IRAK1BP1: variants seen among roughly 807,000 people sequenced by gnomAD.
IRAK1BP1 encodes interleukin 1 receptor associated kinase 1 binding protein 1.
A neutral mutation model predicts 28.0 loss-of-function variants in IRAK1BP1; 24 were observed. That is an observed-to-expected ratio of 0.86 (90% confidence interval 0.62 to 1.20). The LOEUF is 1.20. Ranked by LOEUF, IRAK1BP1 falls within the 50% of genes most tolerant of loss-of-function variation. The pLI is 0.00. For missense variants in IRAK1BP1, 336 were observed against 316.7 expected (o/e 1.06, Z -0.46); for synonymous variants, 131 against 116.3 (o/e 1.13, Z -0.81).
At chr6:78,960,055 C>T in the IRAK1BP1 span, among the ~76,000 whole-genome samples, 1 of 152,122 alleles carries the variant, frequency 6.6e-6, no homozygotes, top group East Asian at 1.9e-4. Context: ...GGAGCTGTAG[C>T]TCACTGACAT....
At chr6:78,879,034 A>T (rs1460055267) in intron 1 of IRAK1BP1, among the ~76,000 whole-genome samples, 3 of 152,186 alleles carry the variant, frequency 2.0e-5, no homozygotes, top group African/African-American at 7.2e-5. Flanking sequence ...TGTACCTGAA[A>T]GTGACGGGGA....
chr6:78,920,768 A>G (rs1040676353), intron 4 of IRAK1BP1, among the ~76,000 whole-genome samples: 29 of 151,898 alleles, frequency 1.9e-4, no homozygotes, highest in African/African-American at 7.0e-4. Context: ...ATTGAAACAA[A>G]AACAAAAATT....
At chr6:78,954,791 A>G in the IRAK1BP1 span, 1 of 1,533,278 alleles carries the variant, frequency 6.5e-7, no homozygotes, top group Non-Finnish European at 8.8e-7. Context: ...ACAGGTAAAG[A>G]AAATATTTTC....
chr6:78,869,685 T>C (rs1251773723), intron 1 of IRAK1BP1, among the ~76,000 whole-genome samples: 2 of 152,202 alleles, frequency 1.3e-5, no homozygotes, highest in Non-Finnish European at 2.9e-5. Context: ...TCATTTATAT[T>C]TTCAGAATGA....
chr6:78,883,917 G>A (rs1027731087), intron 1 of IRAK1BP1, among the ~76,000 whole-genome samples: 1 of 151,966 alleles, frequency 6.6e-6, no homozygotes, highest in Non-Finnish European at 1.5e-5. Context: ...TATCAGAGCA[G>A]AAAAAAATGT....
At position 78,922,896 on chromosome 6, in the gene IRAK1BP1, C is replaced by G. The variant is rs1403567516; in HGVS notation, c.*67+19786C>G. ...GCTGAGAGATTTTGTCACCCCCAGG[C>G]CTGCCCTACAAGAGCTCCTGAAGGA... On this transcript the variant is annotated intron_variant and NMD_transcript_variant, in intron 4 of 4. Transcript: ENST00000606868. Among the ~76,000 whole-genome samples, 4 of 152,266 alleles carry G rather than the reference C, an allele frequency of 2.6e-5. No homozygotes were observed. The East Asian group carries it at 7.7e-4, about 29-fold the overall frequency.
At chr6:78,975,735 CA>C in the IRAK1BP1 span, among the ~76,000 whole-genome samples, 2 of 151,916 alleles carry the variant, frequency 1.3e-5, no homozygotes, top group African/African-American at 4.8e-5. Flanking sequence ...CAACAACGGA[CA>C]AACAGAGAGC....
downstream of IRAK1BP1, among the ~76,000 whole-genome samples, chr6:78,949,647 G>A (rs1295505505): frequency 6.6e-6 from 1 of 151,796 alleles, no homozygotes; most frequent in Admixed American, 6.6e-5. Flanking sequence ...GCCCTGTGTG[G>A]CATGTGGTAA....
At chr6:78,928,109 G>T (rs1033374070) in intron 4 of IRAK1BP1, among the ~76,000 whole-genome samples, 1 of 151,922 alleles carries the variant, frequency 6.6e-6, no homozygotes, top group African/African-American at 2.4e-5. Flanking sequence ...AGATTCTTTG[G>T]GTAGTATGGA....
intron 2 of IRAK1BP1, among the ~76,000 whole-genome samples, chr6:78,886,441 T>A (rs1771435704): frequency 6.6e-6 from 1 of 152,182 alleles, no homozygotes; most frequent in African/African-American, 2.4e-5. Context: ...ATTTTAGGGA[T>A]CCACTTGGCA....
At chr6:78,920,793 A>C (rs140950793) in intron 4 of IRAK1BP1, among the ~76,000 whole-genome samples, 1 of 152,348 alleles carries the variant, frequency 6.6e-6, no homozygotes, top group East Asian at 1.9e-4. Context: ...AGTGGGACTT[A>C]ATTAAACTAA....
At chr6:78,884,240 C>A (rs1771333322) in intron 1 of IRAK1BP1, among the ~76,000 whole-genome samples, 1 of 151,988 alleles carries the variant, frequency 6.6e-6, no homozygotes, top group Non-Finnish European at 1.5e-5. Context: ...TAGTTTATAT[C>A]TTAAAATTTA....
intron 4 of IRAK1BP1, among the ~76,000 whole-genome samples, chr6:78,918,578 TAAA>T (rs58669467): frequency 7.3e-4 from 49 of 66,798 alleles, no homozygotes; most frequent in South Asian, 3.9e-3. Context: ...CCAAAAACAG[TAAA>T]AAAAAAAAAA....
At chr6:78,895,469 AT>A (rs1028295874) in intron 2 of IRAK1BP1, among the ~76,000 whole-genome samples, 3 of 152,208 alleles carry the variant, frequency 2.0e-5, no homozygotes, top group African/African-American at 7.2e-5. Context: ...TTTTAGCCAA[AT>A]TTAATGATTT....
intron 1 of IRAK1BP1, among the ~76,000 whole-genome samples, chr6:78,881,797 G>A (rs1368974959): frequency 2.0e-5 from 3 of 152,158 alleles, no homozygotes; most frequent in African/African-American, 7.2e-5. Flanking sequence ...GTATATACTG[G>A]GGTTAAACAA....
At chr6:78,888,294 A>G (rs960458702) in intron 2 of IRAK1BP1, among the ~76,000 whole-genome samples, 29 of 152,200 alleles carry the variant, frequency 1.9e-4, no homozygotes, top group Non-Finnish European at 3.7e-4. Context: ...TACAGTTAAC[A>G]CAGTGTTGTG....
Position 78,897,863 on chromosome 6 carries a change from A to C in IRAK1BP1, c.416A>C (p.Gln139Pro), listed in dbSNP as rs1771948686. 4 of 1,613,628 alleles carry C rather than the reference A, an allele frequency of 2.5e-6. No homozygotes were observed. Among genetic ancestry groups the C allele is most frequent in the Non-Finnish European group, 3.4e-6 (4 of 1,179,650 alleles). Reference protein sequence around the residue: ...CITFTEFGKMQNICNFLVEKL... With the variant: ...CITFTEFGKMPNICNFLVEKL... ...ACATTTACTGAATTTGGAAAAATGC[A>C]AAATATTTGTAACTTTCTTGTTGAA... Residue 139 changes from glutamine (Q) to proline (P), a missense_variant, in exon 3 of 4, where the codon CAA becomes CCA. Physicochemically the swap from Gln to Pro is moderately conservative, Grantham distance 76. Coordinates refer to ENST00000369940, the MANE Select transcript of IRAK1BP1 (RefSeq NM_001010844.4).
chr6:78,913,639 TG>T (rs1772483067), intron 4 of IRAK1BP1, among the ~76,000 whole-genome samples: 1 of 152,080 alleles, frequency 6.6e-6, no homozygotes, highest in African/African-American at 2.4e-5. Flanking sequence ...AGCGAGACTC[TG>T]TCTCAAAAAA....
intron 4 of IRAK1BP1, among the ~76,000 whole-genome samples, chr6:78,933,408 G>A (rs1773131141): frequency 6.6e-6 from 1 of 151,950 alleles, no homozygotes; most frequent in Non-Finnish European, 1.5e-5. Context: ...ACGAGGTCAG[G>A]AGTTTGAGAC....
Sources: gnomAD v4.1 joint callset for allele counts (sites outside exome capture counted in the v4.1 genomes callset) on GRCh38, gnomAD v4.1.1 for gene constraint, MANE v1.5 for transcripts, NCBI Gene and HGNC (gene_info 2026-07-23, HGNC 2026-07-21) for gene names.